Variants in SGK3 observed in about 807,000 individuals in gnomAD.
SGK3 encodes the protein serum/glucocorticoid regulated kinase family member 3.
SGK3 carries 47 observed loss-of-function variants against 68.5 expected under a neutral mutation model. That is an observed-to-expected ratio of 0.69 (90% CI 0.54 to 0.87). The LOEUF is 0.87. SGK3 is among the 40% of genes least tolerant of loss of function. The pLI is 0.00. For missense variants in SGK3, 479 were observed against 575.5 expected (o/e 0.83, Z 1.72); for synonymous variants, 181 against 189.1 (o/e 0.96, Z 0.35).
intron 1 of SGK3, among the ~76,000 whole-genome samples, chr8:66,734,971 A>G (rs1805276480): frequency 6.6e-6 from 1 of 151,474 alleles, no homozygotes. Flanking sequence ...GTAGATATGT[A>G]CAGTACAATA....
chr8:66,766,258 C>T (rs1300053665), intron 1 of SGK3, among the ~76,000 whole-genome samples: 1 of 151,916 alleles, frequency 6.6e-6, no homozygotes, highest in East Asian at 1.9e-4. Flanking sequence ...TGTGGTGGCT[C>T]ACACCTGTAA....
At chr8:66,821,572 G>A (rs1247068859) in intron 5 of SGK3, among the ~76,000 whole-genome samples, 2 of 151,508 alleles carry the variant, frequency 1.3e-5, no homozygotes, top group Non-Finnish European at 2.9e-5. Context: ...GAGTGCAGTG[G>A]CACAATCTCG....
In SGK3 at chr8:66,778,636, C is replaced by A. The variant is rs187041759; in HGVS notation, c.-121-14980C>A. ...AACAAACATGAACTTAAAATTATATCAAACAGACCTTTAAATCGTTAAATA... is the reference window on the plus strand; with the variant it reads ...AACAAACATGAACTTAAAATTATATAAAACAGACCTTTAAATCGTTAAATA... On this transcript the variant is annotated intron_variant, in intron 1 of 16. Coordinates refer to ENST00000521198, the MANE Select transcript of SGK3 (RefSeq NM_001033578.3). 1.9e-3 allele frequency among the ~76,000 whole-genome samples: 292 copies of A among 152,284 alleles called. 2 individuals carry two copies. The highest frequency in any genetic ancestry group is 6.4e-3 in the African/African-American group (265 of 41,566).
chr8:66,838,531 G>A (rs774521111), intron 10 of SGK3, among the ~76,000 whole-genome samples: 2 of 152,138 alleles, frequency 1.3e-5, no homozygotes, highest in Non-Finnish European at 2.9e-5. Flanking sequence ...TTCATGTGAA[G>A]CATCTAAGTG....
At chr8:66,762,471 C>T (rs1033445087) in intron 1 of SGK3, among the ~76,000 whole-genome samples, 22 of 151,994 alleles carry the variant, frequency 1.4e-4, no homozygotes, top group African/African-American at 4.8e-4. Context: ...GAGCCAAGAT[C>T]GCGCCACTGC....
At chr8:66,826,076 G>A (rs963655787) in intron 6 of SGK3, among the ~76,000 whole-genome samples, 15 of 151,818 alleles carry the variant, frequency 9.9e-5, no homozygotes, top group Non-Finnish European at 1.9e-4. Flanking sequence ...GGTTTCAAGT[G>A]ATTCTCCTGC....
At chr8:66,763,722 A>C (rs1303788941) in intron 1 of SGK3, among the ~76,000 whole-genome samples, 1 of 152,066 alleles carries the variant, frequency 6.6e-6, no homozygotes, top group Admixed American at 6.6e-5. Flanking sequence ...ATTCATACTG[A>C]TACTTCCAAT....
intron 1 of SGK3, among the ~76,000 whole-genome samples, chr8:66,713,197 G>C (rs1023291844): frequency 6.6e-6 from 1 of 152,216 alleles, no homozygotes; most frequent in Non-Finnish European, 1.5e-5. Flanking sequence ...CCGCCAGAGT[G>C]GGGTGGATGG....
intron 1 of SGK3, among the ~76,000 whole-genome samples, chr8:66,726,738 T>G (rs1373695033): frequency 6.7e-6 from 1 of 148,292 alleles, no homozygotes; most frequent in African/African-American, 2.5e-5. Context: ...GAGTTTGAGG[T>G]TACAGTGAGC....
At chr8:66,767,851 G>A (rs758213315) in intron 1 of SGK3, 9 of 1,418,436 alleles carry the variant, frequency 6.3e-6, no homozygotes, top group Non-Finnish European at 9.0e-6. Context: ...GGATGTGGGA[G>A]CATCGAATGT....
chr8:66,835,681 AGTATT>A, intron 8 of SGK3, 77 bp from the exon 9 acceptor site: 1 of 1,400,362 alleles, frequency 7.1e-7, no homozygotes, highest in Non-Finnish European at 9.6e-7. Context: ...GAATTTAAGA[AGTATT>A]GATGTGTTGA....
chr8:66,809,136 G>A (rs1390248585), intron 4 of SGK3, among the ~76,000 whole-genome samples: 2 of 152,104 alleles, frequency 1.3e-5, no homozygotes, highest in Admixed American at 6.6e-5. Flanking sequence ...CCAAAGTGCT[G>A]GGATTACACC....
intron 1 of SGK3, among the ~76,000 whole-genome samples, chr8:66,745,403 C>T (rs549520558): frequency 6.6e-6 from 1 of 152,110 alleles, no homozygotes; most frequent in East Asian, 1.9e-4. Context: ...AACCCCGTCT[C>T]TACTAAAAAA....
At chr8:66,723,855 A>G (rs1804896728) in intron 1 of SGK3, among the ~76,000 whole-genome samples, 1 of 152,124 alleles carries the variant, frequency 6.6e-6, no homozygotes, top group Admixed American at 6.6e-5. Flanking sequence ...CTCATTTCTA[A>G]TTGATCTCTT....
chr8:66,760,330 C>CTTT lies in SGK3; in HGVS notation c.-121-33266_-121-33264dup, dbSNP rs201559163. 1.5e-3 allele frequency among the ~76,000 whole-genome samples: 176 copies of CTTT among 115,636 alleles called. 2 individuals are homozygous for CTTT. Among genetic ancestry groups the CTTT allele is most frequent in the Middle Eastern group, 5.3e-3 (1 of 190 alleles). 75.9% of individuals were successfully genotyped at this position (115,636 alleles called of 152,430 possible). On this transcript the variant is annotated intron_variant, in intron 1 of 16. Coordinates refer to ENST00000521198, the MANE Select transcript of SGK3 (RefSeq NM_001033578.3). Reference sequence around the variant, plus strand: ...GCTTACTTTGTTCATTTTCTTTTTTCTTTTTTTTTTTTTTTTTTTTTTGAG... The same window carrying CTTT: ...GCTTACTTTGTTCATTTTCTTTTTTCTTTTTTTTTTTTTTTTTTTTTTTTTGAG...
intron 1 of SGK3, chr8:66,767,438 C>T: frequency 7.2e-7 from 1 of 1,384,880 alleles, no homozygotes; most frequent in East Asian, 2.3e-5. Context: ...AATTCAACAT[C>T]CAGGGTCAAC....
chr8:66,767,811 T>G (rs1476576858), intron 1 of SGK3: 1 of 1,545,638 alleles, frequency 6.5e-7, no homozygotes, highest in Non-Finnish European at 8.9e-7. Context: ...TGTTGACAGT[T>G]CCCAAAGCCT....
chr8:66,720,258 T>C (rs1438692051), intron 1 of SGK3, among the ~76,000 whole-genome samples: 5 of 152,240 alleles, frequency 3.3e-5, no homozygotes, highest in Non-Finnish European at 5.9e-5. Flanking sequence ...GATGTTCACA[T>C]GTAATTGATT....
chr8:66,850,992 A>G (rs1278053539), intron 16 of SGK3, 72 bp downstream of exon 16: 1 of 1,442,346 alleles, frequency 6.9e-7, no homozygotes, highest in Non-Finnish European at 9.4e-7. Flanking sequence ...GTTTGAAACT[A>G]GATCTCAGAA....
Sources: allele counts gnomAD v4.1 joint callset (sites outside exome capture counted in the v4.1 genomes callset), GRCh38; gene constraint gnomAD v4.1.1; transcripts MANE v1.5; gene names NCBI Gene and HGNC (gene_info 2026-07-23, HGNC 2026-07-21).